Variants in EP400 observed in about 807,000 individuals in gnomAD.
EP400 encodes the protein E1A-binding protein p400.
In EP400, 105 loss-of-function variants were observed where a neutral mutation model predicts 354.1. The ratio of observed to expected loss-of-function variants is 0.30; its 90% confidence interval spans 0.25 to 0.35. The LOEUF is 0.35. EP400 is among the 10% of genes least tolerant of loss of function. The pLI is 1.00. For synonymous variants in EP400, 1,646 were observed against 1,716.9 expected (o/e 0.96, Z 1.02); for missense variants, 3,280 against 4,121.0 (o/e 0.80, Z 5.59).
chr12:131,979,620 AT>A (rs1892610412), intron 2 of EP400, 73 bp from the exon 3 acceptor site: 1 of 1,351,948 alleles, frequency 7.4e-7, no homozygotes, highest in African/African-American at 1.5e-5. Context: ...GTTTGGGATA[AT>A]TATGATAATT....
chr12:131,957,699 G>A (rs1891749760), intron 1 of EP400, among the ~76,000 whole-genome samples: 1 of 151,624 alleles, frequency 6.6e-6, no homozygotes, highest in African/African-American at 2.4e-5. Context: ...AGGTTCAAGC[G>A]ATTCTTCTGC....
intron 12 of EP400, among the ~76,000 whole-genome samples, chr12:131,998,196 A>T (rs963946906): frequency 2.6e-5 from 4 of 152,156 alleles, no homozygotes; most frequent in African/African-American, 9.7e-5. Context: ...GCTTTATAAT[A>T]GTTCTTGATG....
In EP400 at chr12:132,076,499, T is replaced by C; in HGVS notation, c.9022-17T>C. 6.2e-7 allele frequency: 1 copy of C among 1,614,028 alleles called. No individual in the cohort carries two copies. The highest frequency in any genetic ancestry group is 1.1e-5 in the South Asian group (1 of 91,054). On this transcript the variant is annotated splice_polypyrimidine_tract_variant and intron_variant, in intron 51 of 52. Transcript: ENST00000389561. ...CTCCTTTGAATTGTATGTTTGGCTTTTTTTGTTTTGTCAAAGGTTGCAAAA... is the reference window on the plus strand; with the variant it reads ...CTCCTTTGAATTGTATGTTTGGCTTCTTTTGTTTTGTCAAAGGTTGCAAAA...
chr12:132,064,083 A>G (rs1264474502), intron 47 of EP400, among the ~76,000 whole-genome samples: 1 of 131,392 alleles, frequency 7.6e-6, no homozygotes, highest in Admixed American at 8.8e-5. Context: ...TCAACCACTG[A>G]TGACCCCCCG....
In EP400 at chr12:132,053,544, GC is replaced by G; in HGVS notation, c.7679del (p.Pro2560GlnfsTer35). The stretch of plus-strand genomic sequence containing the variant: ...CCAGACCCAGCCACAGCCTGTGCAG[GC>G]CCCAGCGAAGGCGCAGCCCGCAATC... The part of the protein sequence containing the change: ...QPQTQPQPVQ[A>X]PAKAQPAITT... On this transcript the variant is annotated frameshift_variant, in exon 43 of 53. Coordinates refer to ENST00000389561, the MANE Select transcript of EP400 (RefSeq NM_015409.5). LOFTEE classifies it high-confidence loss of function. 6.4e-7 allele frequency: 1 copy of G among 1,556,484 alleles called. No individual in the cohort carries two copies. Among genetic ancestry groups the G allele is most frequent in the Non-Finnish European group, 8.6e-7 (1 of 1,157,522 alleles).
At position 131,994,491 on chromosome 12, in the gene EP400, T is replaced by C. The variant is rs1371603120; in HGVS notation, c.2738-376T>C. 1.3e-5 allele frequency among the ~76,000 whole-genome samples: 2 copies of C among 150,388 alleles called. No individual in the cohort carries two copies. Among genetic ancestry groups the C allele is most frequent in the South Asian group, 2.1e-4 (1 of 4,730 alleles). On this transcript the variant is annotated intron_variant, in intron 11 of 52. Transcript: ENST00000389561. This position sits in a 1 kb window ranked among gnomAD's most constrained non-coding sequence, Gnocchi z 4.6. ...TGGAGGACAGGAGAGTCAAGGAGAG[T>C]GTTAGGCTGATGTGGCTGGGCCTCG...
chr12:132,040,634 T>C (rs1007632479), intron 32 of EP400, among the ~76,000 whole-genome samples: 6 of 152,220 alleles, frequency 3.9e-5, no homozygotes, highest in African/African-American at 1.4e-4. Context: ...AAAAATTTCA[T>C]GAAGCTTTTA....
intron 29 of EP400, among the ~76,000 whole-genome samples, chr12:132,030,380 T>C (rs1221342563): frequency 1.3e-5 from 2 of 152,240 alleles, no homozygotes; most frequent in Non-Finnish European, 2.9e-5. Flanking sequence ...TAAATGCCGG[T>C]GACCTGCAAT....
intron 34 of EP400, 25 bp from the exon 35 acceptor site, chr12:132,044,152 A>C: frequency 2.5e-6 from 4 of 1,611,842 alleles, no homozygotes; most frequent in Non-Finnish European, 3.4e-6. Flanking sequence ...CTGATCCTGA[A>C]AGTTCTTGCT....
intron 31 of EP400, 36 bp from the exon 32 acceptor site, chr12:132,037,917 C>G: frequency 6.2e-7 from 1 of 1,613,880 alleles, no homozygotes; most frequent in East Asian, 2.2e-5. Flanking sequence ...ACACTTGGAC[C>G]TTGTACTGGG....
In EP400 at chr12:132,018,351, G is replaced by C. The variant is rs771779642; in HGVS notation, c.4252G>C (p.Ala1418Pro). The C allele has an allele frequency of 1.2e-6, 2 of 1,608,572 alleles. No individual in the cohort carries two copies. Among genetic ancestry groups the C allele is most frequent in the East Asian group, 4.5e-5 (2 of 44,850 alleles). Residue 1418 changes from alanine to proline, a missense_variant, in exon 21 of 53, where the codon GCA becomes CCA. Around this residue, in one of 20 missense-constraint regions of EP400, gnomAD observed 342 missense variants for 342.7 expected, o/e 1.00. Transcript: ENST00000389561. The surrounding 1 kb of genome is among the most constrained non-coding windows in gnomAD (Gnocchi z 4.0). Reference protein sequence around the residue: ...STSAAPAARPAAAKLKASRLF... With the variant: ...STSAAPAARPPAAKLKASRLF... Reference sequence around the variant, plus strand: ...TTCAGCAGCCCCAGCAGCCCGACCAGCAGCAGCAAAGCTGAAGGCCAGCAG... The same window carrying C: ...TTCAGCAGCCCCAGCAGCCCGACCACCAGCAGCAAAGCTGAAGGCCAGCAG...
chr12:132,039,305 G>T (rs1894816684), intron 32 of EP400, among the ~76,000 whole-genome samples: 1 of 152,242 alleles, frequency 6.6e-6, no homozygotes, highest in East Asian at 1.9e-4. Flanking sequence ...TCTGATGGCA[G>T]CAGAGTTCAG....
rs774575957 is a variant in EP400, at chr12:132,044,797, C to A, written c.6631-3C>A. 1.2e-6 allele frequency: 2 copies of A among 1,614,050 alleles called. No individual in the cohort carries two copies. ...TCTCATGGGCCTTCCCTTCTCCATG[C>A]AGCTCTGGACCCCACCCACCCCGCC... On this transcript the variant is annotated splice_polypyrimidine_tract_variant and splice_region_variant and intron_variant, in intron 36 of 52. Coordinates refer to ENST00000389561, the MANE Select transcript of EP400 (RefSeq NM_015409.5).
intron 22 of EP400, 118 bp downstream of exon 22, chr12:132,020,336 C>T (rs2136541900): frequency 8.3e-7 from 1 of 1,210,324 alleles, no homozygotes; most frequent in Non-Finnish European, 1.1e-6. Context: ...GAACAGGCAC[C>T]ACCCGCTGGC....
At position 132,055,219 on chromosome 12, in the gene EP400, C is replaced by T. The variant is rs1366246446; in HGVS notation, c.7884+11C>T. 3 of 1,548,192 alleles carry T rather than the reference C, an allele frequency of 1.9e-6. No individual in the cohort carries two copies. In the South Asian group the frequency reaches 3.6e-5, roughly 18 times the overall value. On this transcript the variant is annotated intron_variant, in intron 45 of 52. Transcript: ENST00000389561. ...CCTGGGGCCTTGACTGTGAGTTGCG[C>T]TTCACCTGGGTTGTGCACCTTGACT...
Position 132,038,148 on chromosome 12 carries a change from A to G in EP400, c.6207+52A>G. The G allele has an allele frequency of 1.1e-5, 18 of 1,606,376 alleles. No individual in the cohort carries two copies. Among genetic ancestry groups the G allele is most frequent in the Non-Finnish European group, 1.5e-5 (18 of 1,175,288 alleles). On this transcript the variant is annotated intron_variant, in intron 32 of 52. Coordinates refer to ENST00000389561, the MANE Select transcript of EP400 (RefSeq NM_015409.5). The surrounding 1 kb of genome is among the most constrained non-coding windows in gnomAD (Gnocchi z 4.2). ...GAGTTGCACGGTGGGAGCCGGCGGAACACCTGCACCCTCCCCCAGGGTTCT... is the reference window on the plus strand; with the variant it reads ...GAGTTGCACGGTGGGAGCCGGCGGAGCACCTGCACCCTCCCCCAGGGTTCT...
Position 132,030,114 on chromosome 12 carries a change from A to G in EP400, c.5710A>G (p.Thr1904Ala), listed in dbSNP as rs1894439413. The G allele has an allele frequency of 6.2e-7, 1 of 1,614,022 alleles. No homozygotes were observed. Residue 1904 changes from threonine to alanine, a missense_variant, in exon 29 of 53, where the codon ACC (threonine) becomes GCC (alanine). Thr to Ala is a moderately conservative substitution (Grantham distance 58, BLOSUM62 0). Coordinates refer to ENST00000389561, the MANE Select transcript of EP400 (RefSeq NM_015409.5). ...LEMFLNFHYL[T>A]YVRIDENASS... The stretch of plus-strand genomic sequence containing the variant: ...GATGTTCTTGAACTTCCATTACCTC[A>G]CCTATGTAAGAATCGATGAAAATGC...
intron 32 of EP400, among the ~76,000 whole-genome samples, chr12:132,041,412 G>A (rs957093773): frequency 2.0e-5 from 3 of 152,238 alleles, no homozygotes; most frequent in Admixed American, 6.5e-5. Context: ...GTCCCCCAGC[G>A]GTGCTGCCTC....
chr12:132,015,492 C>G (rs910014022), intron 19 of EP400, among the ~76,000 whole-genome samples: 1 of 152,210 alleles, frequency 6.6e-6, no homozygotes, highest in Non-Finnish European at 1.5e-5. Context: ...GTTGACCACG[C>G]CCTGCGTACA....
Sources: allele counts gnomAD v4.1 joint callset (sites outside exome capture counted in the v4.1 genomes callset), GRCh38; gene constraint gnomAD v4.1.1; regional missense constraint gnomAD v4.1.1; non-coding constraint Gnocchi (gnomAD v3.1); transcripts MANE v1.5; gene names NCBI Gene and HGNC (gene_info 2026-07-23, HGNC 2026-07-21).